GCH1: variants seen among roughly 807,000 people sequenced by gnomAD.
GCH1 encodes the protein GTP cyclohydrolase 1.
GCH1 carries 5 observed loss-of-function variants against 25.9 expected under a neutral mutation model. The ratio of observed to expected loss-of-function variants is 0.19; its 90% CI spans 0.10 to 0.41. The LOEUF (loss-of-function observed/expected upper bound fraction) is 0.41. Ranked by LOEUF, GCH1 falls within the 10% of genes least tolerant of loss-of-function variation. The pLI, the probability that GCH1 is intolerant of heterozygous loss-of-function variation, is 1.00. For synonymous variants in GCH1, 159 were observed against 129.6 expected, an observed-to-expected ratio of 1.23 and a Z score of -1.54; for missense variants, 261 against 336.5, an observed-to-expected ratio of 0.78 and a Z score of 1.75.
At chr14:54,866,395 T>A (rs2039990231) in intron 1 of GCH1, among the ~76,000 whole-genome samples, 1 of 152,086 alleles carries the variant, frequency 6.6e-6, no homozygotes, top group Non-Finnish European at 1.5e-5. Context: ...TCAGCTATAT[T>A]GTCAAATGAG....
At chr14:54,862,588 TTTTCGTTTTTTTTTTTTTTGGTTGG>T (rs1400571035) in intron 2 of GCH1, among the ~76,000 whole-genome samples, 1 of 104,676 alleles carries the variant, frequency 9.6e-6, no homozygotes, top group African/African-American at 4.8e-5. Flanking sequence ...GGTTGATTGG[TTTTCGTTTTTTTTTTTTTTGGTTGG>T]TTTTTTTTTT....
At chr14:54,862,734 C>T (rs78059908) in intron 2 of GCH1, among the ~76,000 whole-genome samples, 11,152 of 150,992 alleles carry the variant, frequency 0.074, 632 homozygotes, top group Non-Finnish European at 0.11. Context: ...AGATTACTGA[C>T]GTAAGCCACC....
At chr14:54,889,862 T>C (rs1399035887) in intron 1 of GCH1, among the ~76,000 whole-genome samples, 1 of 151,976 alleles carries the variant, frequency 6.6e-6, no homozygotes, top group African/African-American at 2.4e-5. Context: ...AATACTAAAT[T>C]GCCCTATATG....
chr14:54,901,821 G>A (rs1475775878), intron 1 of GCH1, among the ~76,000 whole-genome samples: 1 of 152,076 alleles, frequency 6.6e-6, no homozygotes, highest in African/African-American at 2.4e-5. Context: ...CAGTGGGAAT[G>A]CAGGTCCCCG....
At chr14:54,858,338 T>G (rs1420814551) in intron 3 of GCH1, among the ~76,000 whole-genome samples, 1 of 152,142 alleles carries the variant, frequency 6.6e-6, no homozygotes, top group Non-Finnish European at 1.5e-5. Context: ...CAGGCTGGAG[T>G]GCAATGGCAC....
At chr14:54,860,177 T>C (rs2039873269) in intron 2 of GCH1, among the ~76,000 whole-genome samples, 1 of 152,204 alleles carries the variant, frequency 6.6e-6, no homozygotes, top group African/African-American at 2.4e-5. Flanking sequence ...AAAAGAGCCA[T>C]GTCTAAGTGG....
intron 1 of GCH1, among the ~76,000 whole-genome samples, chr14:54,879,365 G>A (rs1039560272): frequency 5.9e-5 from 8 of 136,158 alleles, no homozygotes; most frequent in African/African-American, 1.6e-4. Context: ...AGGTTGCAGT[G>A]ACTTCAGATC....
At chr14:54,865,102 C>G (rs926426601) in intron 2 of GCH1, among the ~76,000 whole-genome samples, 1 of 151,106 alleles carries the variant, frequency 6.6e-6, no homozygotes, top group African/African-American at 2.4e-5. Context: ...ACCTATGAAC[C>G]TGGTATTTAA....
At chr14:54,881,293 G>A (rs1185688584) in intron 1 of GCH1, among the ~76,000 whole-genome samples, 1 of 152,084 alleles carries the variant, frequency 6.6e-6, no homozygotes, top group Non-Finnish European at 1.5e-5. Flanking sequence ...GACCCAGCCA[G>A]CTTCACGCAG....
Position 54,902,581 on chromosome 14 carries a change from G to A in GCH1, c.83C>T (p.Pro28Leu), listed in dbSNP as rs774568081. 10 of 1,493,578 alleles carry A rather than the reference G, an allele frequency of 6.7e-6. No homozygotes were observed. Among genetic ancestry groups the A allele is most frequent in the East Asian group, 5.5e-5 (2 of 36,064 alleles). The allele number at this position is 1,493,578 out of a possible 1,614,324, so 92.5% of individuals were successfully genotyped here. The change falls in exon 1 of 6, where the codon CCG becomes CTG. Residue 28 changes from proline (P) to leucine (L), a missense_variant. Pro to Leu is a moderately conservative substitution (Grantham distance 98, BLOSUM62 -3). This residue lies in a region of GCH1 where 125 missense variants were observed against 128.7 expected (regional missense o/e 0.97). Coordinates refer to ENST00000491895, the MANE Select transcript of GCH1 (RefSeq NM_000161.3). Reference sequence around the variant, plus strand: ...CGCCGGCCTGCTGGGCCCGGGCCGCGGCGGATCCCGCTCGGGGAACCCATT... The same window carrying A: ...CGCCGGCCTGCTGGGCCCGGGCCGCAGCGGATCCCGCTCGGGGAACCCATT... ...CSNGFPERDPPRPGPSRPAEK... is the reference protein window; with the variant it reads ...CSNGFPERDPLRPGPSRPAEK...
At chr14:54,872,386 A>C (rs922714161) in intron 1 of GCH1, among the ~76,000 whole-genome samples, 3 of 152,160 alleles carry the variant, frequency 2.0e-5, no homozygotes, top group African/African-American at 7.2e-5. Flanking sequence ...CCAGCCACTG[A>C]AAAAACATGC....
intron 1 of GCH1, chr14:54,886,311 A>G (rs1366007041): frequency 1.3e-5 from 2 of 152,920 alleles, no homozygotes; most frequent in South Asian, 2.1e-4. Flanking sequence ...CACAACTCGC[A>G]TTAGTCAAAA....
At chr14:54,895,320 C>A (rs943128469) in intron 1 of GCH1, among the ~76,000 whole-genome samples, 4 of 152,210 alleles carry the variant, frequency 2.6e-5, no homozygotes, top group Non-Finnish European at 4.4e-5. Flanking sequence ...TATATGCATG[C>A]TTCCCAAAAT....
chr14:54,884,799 C>CAA (rs767558287), intron 1 of GCH1: 1,954 of 146,038 alleles, frequency 0.013, 76 homozygotes, highest in African/African-American at 0.041. Context: ...ACAACAACAA[C>CAA]AAAAAAAAAG....
At chr14:54,844,973 A>T (rs1184890699) in intron 5 of GCH1, among the ~76,000 whole-genome samples, 1 of 152,002 alleles carries the variant, frequency 6.6e-6, no homozygotes, top group Non-Finnish European at 1.5e-5. Flanking sequence ...GGAGTTTGAG[A>T]TCCCCAGCCT....
intron 1 of GCH1, among the ~76,000 whole-genome samples, chr14:54,868,299 C>T (rs1281232408): frequency 2.0e-5 from 3 of 152,046 alleles, no homozygotes; most frequent in Admixed American, 6.5e-5. Context: ...CTCCTATAGT[C>T]ATAGCTATTC....
In GCH1 at chr14:54,886,536, C is replaced by T. The variant is rs182499669; in HGVS notation, c.343+15785G>A. On this transcript the variant is annotated intron_variant, in intron 1 of 5. Transcript: ENST00000491895. ...CTGAGGCAGGAGAATGGCGTGAACC[C>T]GGGAAGCGGAGCTTGCAGTGAGCCG... Among the ~76,000 whole-genome samples the T allele has an allele frequency of 7.3e-3, 1,113 of 152,234 alleles. 7 individuals carry two copies. Among genetic ancestry groups the T allele is most frequent in the Non-Finnish European group, 0.012 (839 of 68,004 alleles).
chr14:54,898,866 C>T (rs1009148624), intron 1 of GCH1, among the ~76,000 whole-genome samples: 6 of 152,142 alleles, frequency 3.9e-5, no homozygotes, highest in Admixed American at 6.5e-5. Flanking sequence ...TCAAGTAATC[C>T]GCCCACCTTG....
At chr14:54,872,174 G>C (rs2040089602) in intron 1 of GCH1, among the ~76,000 whole-genome samples, 1 of 152,182 alleles carries the variant, frequency 6.6e-6, no homozygotes, top group Non-Finnish European at 1.5e-5. Context: ...CAAGCCAGAA[G>C]AGAGTGGGGG....
Sources: allele counts gnomAD v4.1 joint callset (sites outside exome capture counted in the v4.1 genomes callset), GRCh38; gene constraint gnomAD v4.1.1; regional missense constraint gnomAD v4.1.1; transcripts MANE v1.5; gene names NCBI Gene and HGNC (gene_info 2026-07-23, HGNC 2026-07-21).